The following MGAT5 variants were observed in gnomAD, a reference collection of about 807,000 sequenced individuals.
The protein encoded by MGAT5 is alpha-1,6-mannosylglycoprotein 6-beta-N-acetylglucosaminyltransferase.
Under a neutral mutation model 94.3 loss-of-function variants are expected in MGAT5, and 30 were observed. The ratio of observed to expected loss-of-function variants is 0.32; its 90% CI spans 0.24 to 0.43. The LOEUF is 0.43. Among genes scored for constraint, MGAT5 ranks in the 20% least tolerant of loss-of-function variants. MGAT5 has a pLI of 1.00. For missense variants in MGAT5, 691 were observed against 905.5 expected, an observed-to-expected ratio of 0.76 and a Z score of 3.04; for synonymous variants, 310 against 322.9, an observed-to-expected ratio of 0.96 and a Z score of 0.43.
intron 1 of MGAT5, among the ~76,000 whole-genome samples, chr2:134,237,518 C>G (rs901917687): frequency 6.6e-6 from 1 of 152,050 alleles, no homozygotes; most frequent in East Asian, 1.9e-4. Context: ...TTCATAATAC[C>G]TACCTGGCTC....
At chr2:134,356,981 A>G (rs1387129953) in intron 9 of MGAT5, among the ~76,000 whole-genome samples, 1 of 151,972 alleles carries the variant, frequency 6.6e-6, no homozygotes, top group Non-Finnish European at 1.5e-5. Context: ...CCCAGTATTT[A>G]TGTTTCACTT....
At chr2:134,182,137 T>G (rs538352984) in intron 1 of MGAT5, among the ~76,000 whole-genome samples, 1 of 152,252 alleles carries the variant, frequency 6.6e-6, no homozygotes, top group Non-Finnish European at 1.5e-5. Context: ...ACTTTAAAAT[T>G]GACACTCTTT....
At chr2:134,145,221 T>TGTGTGA (rs1686863707) in intron 1 of MGAT5, among the ~76,000 whole-genome samples, 5 of 151,470 alleles carry the variant, frequency 3.3e-5, no homozygotes, top group Non-Finnish European at 7.4e-5. Flanking sequence ...TCTCTGTGTG[T>TGTGTGA]GTGTGTGTGT....
At chr2:134,272,449 ATC>A (rs1684091337) in intron 2 of MGAT5, among the ~76,000 whole-genome samples, 2 of 151,760 alleles carry the variant, frequency 1.3e-5, no homozygotes, top group Non-Finnish European at 2.9e-5. Context: ...ATGTCTTTGC[ATC>A]TCTCGGGTAT....
At chr2:134,246,353 A>C (rs1682261716) in intron 1 of MGAT5, among the ~76,000 whole-genome samples, 3 of 152,124 alleles carry the variant, frequency 2.0e-5, no homozygotes, top group Non-Finnish European at 4.4e-5. Context: ...AGTGGGCTCT[A>C]TCAGGTTGGT....
At chr2:134,219,177 G>A (rs931005467) in intron 1 of MGAT5, among the ~76,000 whole-genome samples, 1 of 152,184 alleles carries the variant, frequency 6.6e-6, no homozygotes, top group African/African-American at 2.4e-5. Context: ...CTTCATCAAG[G>A]AGGAGCTCAG....
intron 15 of MGAT5, 122 bp downstream of exon 15, chr2:134,442,037 G>A (rs1394345582): frequency 1.8e-6 from 2 of 1,129,370 alleles, no homozygotes; most frequent in African/African-American, 3.1e-5. Context: ...ATAAGGTGTG[G>A]GAGGGGAGTA....
chr2:134,326,486 G>A (rs1409972987), intron 4 of MGAT5, among the ~76,000 whole-genome samples: 2 of 151,906 alleles, frequency 1.3e-5, no homozygotes, highest in East Asian at 3.9e-4. Flanking sequence ...TACAGTTCCT[G>A]CCCTAGGCCT....
chr2:134,268,932 G>A lies in MGAT5; in HGVS notation c.242-1454G>A, dbSNP rs1683866912. Among the ~76,000 whole-genome samples the A allele has an allele frequency of 6.6e-6, 1 of 152,072 alleles. No individual in the cohort carries two copies. The highest frequency in any genetic ancestry group is 1.5e-5 in the Non-Finnish European group (1 of 68,020). On this transcript the variant is annotated intron_variant, in intron 1 of 15. Coordinates refer to ENST00000281923, the MANE Select transcript of MGAT5 (RefSeq NM_002410.5). The surrounding 1 kb of genome is among the most constrained non-coding windows in gnomAD (Gnocchi z 4.1). ...CCCTTGGTTTCTTTTTTCTACCCAG[G>A]TTCTTGACTTCTGATTGGTCCCATT...
chr2:134,216,910 G>T lies in MGAT5; in HGVS notation c.-142-37352G>T, dbSNP rs77473774. On this transcript the variant is annotated intron_variant, in intron 1 of 16. Coordinates refer to the MGAT5 transcript ENST00000409645. ...CTAGTCTGCACATGACAGGAATCTG[G>T]CTTAGCATAGGGACCCTTTTGTCAG... is the stretch of plus-strand genomic sequence containing the variant. Among the ~76,000 whole-genome samples the T allele has an allele frequency of 1.1e-4, 17 of 152,240 alleles. No individual in the cohort carries two copies. The East Asian group carries it at 3.3e-3, about 29-fold the overall frequency.
intron 11 of MGAT5, among the ~76,000 whole-genome samples, chr2:134,408,568 T>G (rs1026561172): frequency 6.6e-6 from 1 of 152,184 alleles, no homozygotes; most frequent in Admixed American, 6.5e-5. Flanking sequence ...TTGGTGAGTC[T>G]TCTTTTCTTG....
chr2:134,434,980 C>T (rs1245457872), intron 14 of MGAT5, among the ~76,000 whole-genome samples: 1 of 152,212 alleles, frequency 6.6e-6, no homozygotes, highest in Non-Finnish European at 1.5e-5. Context: ...TCAAAGCCAG[C>T]TTACATGAGT....
Position 134,260,702 on chromosome 2 carries a change from C to CTTTTTT in MGAT5, c.241+6069_241+6074dup, listed in dbSNP as rs3838494. On this transcript the variant is annotated intron_variant, in intron 1 of 15. Transcript: ENST00000281923. ...TAGGAATGGTTTCTTTTTTCTTTTTCTTTTTTTTTTTTTTTTGAGGGCTGG... is the reference window on the plus strand; with the variant it reads ...TAGGAATGGTTTCTTTTTTCTTTTTCTTTTTTTTTTTTTTTTTTTTTTGAGGGCTGG... 1.8e-4 allele frequency among the ~76,000 whole-genome samples: 23 copies of CTTTTTT among 127,026 alleles called. 1 individual carries two copies. Among genetic ancestry groups the CTTTTTT allele is most frequent in the African/African-American group, 3.1e-4 (11 of 35,112 alleles). 83.3% of individuals were successfully genotyped at this position (127,026 alleles called of 152,430 possible).
intron 1 of MGAT5, among the ~76,000 whole-genome samples, chr2:134,172,448 A>G (rs1371289653): frequency 2.0e-5 from 3 of 151,730 alleles, no homozygotes; most frequent in East Asian, 1.9e-4. Flanking sequence ...GTGCAGTGGC[A>G]CGATCTCAGC....
chr2:134,381,536 C>CAGACAGACAGACAGATAGAT (rs59821586), intron 10 of MGAT5, among the ~76,000 whole-genome samples: 5 of 146,844 alleles, frequency 3.4e-5, no homozygotes, highest in East Asian at 2.0e-4. Flanking sequence ...GACAGACAGA[C>CAGACAGACAGACAGATAGAT]AGATAGATAG....
At chr2:134,146,394 C>T (rs1376597362) in intron 1 of MGAT5, among the ~76,000 whole-genome samples, 3 of 150,994 alleles carry the variant, frequency 2.0e-5, no homozygotes, top group Non-Finnish European at 3.0e-5. Flanking sequence ...CTCGTCTCTA[C>T]AAAAAAAATA....
At chr2:134,359,621 T>C (rs1012367156) in intron 9 of MGAT5, among the ~76,000 whole-genome samples, 1 of 152,246 alleles carries the variant, frequency 6.6e-6, no homozygotes, top group Admixed American at 6.5e-5. Flanking sequence ...TGAGATTTGT[T>C]TGATTTACCT....
intron 1 of MGAT5, among the ~76,000 whole-genome samples, chr2:134,187,686 T>G (rs1689115285): frequency 6.6e-6 from 1 of 152,104 alleles, no homozygotes; most frequent in African/African-American, 2.4e-5. Flanking sequence ...ATGTCCCGAG[T>G]GTCTAGAATG....
intron 11 of MGAT5, among the ~76,000 whole-genome samples, chr2:134,408,344 A>G (rs1345643392): frequency 1.3e-5 from 2 of 152,342 alleles, no homozygotes; most frequent in African/African-American, 4.8e-5. Flanking sequence ...TAAATTTACA[A>G]TGTGAATTGT....
Sources: gnomAD v4.1 joint callset for allele counts (sites outside exome capture counted in the v4.1 genomes callset) on GRCh38, gnomAD v4.1.1 for gene constraint, Gnocchi (gnomAD v3.1) non-coding constraint, MANE v1.5 for transcripts, NCBI Gene and HGNC (gene_info 2026-07-23, HGNC 2026-07-21) for gene names.